CCT3: variants seen among roughly 807,000 people sequenced by gnomAD.
CCT3 encodes the protein chaperonin containing TCP1 subunit 3, also known as T-complex protein 1 subunit gamma.
A neutral mutation model predicts 65.3 loss-of-function variants in CCT3; 10 were observed. That is an observed-to-expected ratio of 0.15 (90% CI 0.09 to 0.26). CCT3 has a LOEUF of 0.26. Ranked by LOEUF, CCT3 falls within the 10% of genes least tolerant of loss-of-function variation. CCT3 has a pLI of 1.00. For synonymous variants in CCT3, 225 were observed against 242.3 expected, an observed-to-expected ratio of 0.93 and a Z score of 0.66; for missense variants, 626 against 708.7, an observed-to-expected ratio of 0.88 and a Z score of 1.33.
At chr1:156,323,334 C>A (rs1664649087) in intron 6 of CCT3, among the ~76,000 whole-genome samples, 3 of 149,962 alleles carry the variant, frequency 2.0e-5, no homozygotes, top group South Asian at 4.2e-4. Context: ...AAAGAGCAGG[C>A]AGTATAATAT....
intron 7 of CCT3, among the ~76,000 whole-genome samples, chr1:156,319,258 G>A (rs374699271): frequency 7.5e-4 from 113 of 150,670 alleles, no homozygotes; most frequent in African/African-American, 2.6e-3. Context: ...GACTACAGGC[G>A]CCCGCCACCA....
intron 5 of CCT3, chr1:156,332,593 T>C (rs1013089342): frequency 6.6e-6 from 1 of 152,192 alleles, no homozygotes; most frequent in African/African-American, 2.4e-5. Flanking sequence ...ATGACATTCC[T>C]AGGTGAGGTT....
intron 6 of CCT3, among the ~76,000 whole-genome samples, chr1:156,322,258 A>T (rs1229238269): frequency 6.6e-6 from 1 of 152,100 alleles, no homozygotes; most frequent in Admixed American, 6.6e-5. Flanking sequence ...TTTTTTTGGG[A>T]GGCCGAGGTG....
Position 156,338,229 on chromosome 1 carries a change from C to A in CCT3, c.-45G>T, listed in dbSNP as rs1217062037. 8.3e-6 allele frequency: 13 copies of A among 1,562,792 alleles called. No individual in the cohort carries two copies. The highest frequency in any genetic ancestry group is 5.4e-5 in the African/African-American group (4 of 74,236). On this transcript the variant is annotated 5_prime_UTR_variant, in exon 1 of 14. Coordinates refer to ENST00000295688, the MANE Select transcript of CCT3 (RefSeq NM_005998.5). ...GGGTACCCAGAGCTGGGGGAACCGG[C>A]AGAACCTTCTGGAGAGAGAGAACCA...
intron 9 of CCT3, 82 bp from the exon 10 acceptor site, chr1:156,317,329 C>T (rs537075161): frequency 5.5e-5 from 87 of 1,592,776 alleles, no homozygotes; most frequent in East Asian, 5.2e-4. Context: ...GACACTATTA[C>T]GCCCCTGCCA....
intron 6 of CCT3, among the ~76,000 whole-genome samples, chr1:156,322,231 A>C (rs1350617967): frequency 6.6e-6 from 1 of 152,126 alleles, no homozygotes; most frequent in South Asian, 2.1e-4. Context: ...GAGTGAGACC[A>C]TATCTCTAAA....
In CCT3 at chr1:156,317,453, A is replaced by C; in HGVS notation, c.854T>G (p.Leu285Arg). The change falls in exon 9 of 14, where the codon CTG (leucine) becomes CGG (arginine). Residue 285 changes from leucine (L) to arginine (R), a missense_variant. Physicochemically the swap from Leu to Arg is moderately radical, Grantham distance 102 (BLOSUM62 -2). Coordinates refer to ENST00000295688, the MANE Select transcript of CCT3 (RefSeq NM_005998.5). ...TTCAGTGATGACCACATCGGGCTTC[A>C]GTTGGATAATGTCCTCACAGAGCTG... ...IQQLCEDIIQ[L>R]KPDVVITEKG... is the part of the protein sequence containing the mutation. 6.2e-7 allele frequency: 1 copy of C among 1,613,940 alleles called. No homozygotes were observed.
rs778285839 is a variant in CCT3, at chr1:156,311,185, C to A, written c.1166G>T (p.Arg389Leu). The change falls in exon 12 of 14, where the codon CGC (arginine) becomes CTC (leucine). Residue 389 changes from arginine to leucine, a missense_variant. Transcript: ENST00000295688. ...CACTTGCATGGCATCCTGGAGGTTG[C>A]GTTCTACTTCCTTGGAGAAGCAAAC... is the stretch of plus-strand genomic sequence containing the variant. The part of the protein sequence containing the change: ...ASKEILSEVE[R>L]NLQDAMQVCR... 4.3e-6 allele frequency: 7 copies of A among 1,613,358 alleles called. No homozygotes were observed. In the Admixed American group the frequency reaches 8.3e-5, roughly 19 times the overall value.
At position 156,338,287 on chromosome 1, in the gene CCT3, G is replaced by T; in HGVS notation, c.-103C>A. On this transcript the variant is annotated 5_prime_UTR_variant, in exon 1 of 14. Coordinates refer to ENST00000295688, the MANE Select transcript of CCT3 (RefSeq NM_005998.5). ...GCCCAGAAAACGCTGCCTCCTCAGGGCTTACACCTCAACCCGCTACTCTCA... is the reference window on the plus strand; with the variant it reads ...GCCCAGAAAACGCTGCCTCCTCAGGTCTTACACCTCAACCCGCTACTCTCA... 2 of 1,134,906 alleles carry T rather than the reference G, an allele frequency of 1.8e-6. No homozygotes were observed. The highest frequency in any genetic ancestry group is 2.6e-6 in the Non-Finnish European group (2 of 772,868). 70.3% of individuals were successfully genotyped at this position (1,134,906 alleles called of 1,614,324 possible).
intron 10 of CCT3, among the ~76,000 whole-genome samples, chr1:156,316,605 A>G (rs2842863): frequency 0.12 from 18,226 of 152,276 alleles, 1,590 homozygotes; most frequent in Non-Finnish European, 0.18. Context: ...GCATGCCAAT[A>G]GTTTCAGGTA....
chr1:156,335,906 A>G lies in CCT3; in HGVS notation c.32-18T>C. Reference sequence around the variant, plus strand: ...GTTCTGGCCTAAAATAGACAAAAACACAAGTCAACAGCCCAGGACTGCCCC... The same window carrying G: ...GTTCTGGCCTAAAATAGACAAAAACGCAAGTCAACAGCCCAGGACTGCCCC... On this transcript the variant is annotated intron_variant, in intron 1 of 13. Transcript: ENST00000295688. 1 of 1,610,932 alleles carries G rather than the reference A, an allele frequency of 6.2e-7. No homozygotes were observed. Among genetic ancestry groups the G allele is most frequent in the Non-Finnish European group, 8.5e-7 (1 of 1,177,172 alleles).
At chr1:156,315,891 G>GA (rs1012423605) in intron 10 of CCT3, among the ~76,000 whole-genome samples, 68 of 152,090 alleles carry the variant, frequency 4.5e-4, no homozygotes, top group African/African-American at 1.5e-3. Context: ...AAAGATAAAA[G>GA]AAAAAAATTA....
intron 1 of CCT3, chr1:156,336,953 A>C: frequency 2.3e-6 from 1 of 437,420 alleles, no homozygotes; most frequent in Non-Finnish European, 3.3e-6. Flanking sequence ...GTTATTTCCC[A>C]GGTACAGAGA....
At chr1:156,326,533 C>T (rs1414260488) in intron 5 of CCT3, among the ~76,000 whole-genome samples, 1 of 151,064 alleles carries the variant, frequency 6.6e-6, no homozygotes, top group African/African-American at 2.4e-5. Context: ...GCCTGTATTC[C>T]TAGCTACTCG....
Position 156,308,996 on chromosome 1 carries a change from G to A in CCT3, c.*203C>T. The A allele has an allele frequency of 2.1e-6, 1 of 475,142 alleles. No homozygotes were observed. The highest frequency in any genetic ancestry group is 3.7e-6 in the Non-Finnish European group (1 of 267,116). The allele number at this position is 475,142 out of a possible 1,614,324, so 29.4% of individuals were successfully genotyped here. A position where few individuals can be genotyped will look rare whatever the true frequency, so the allele number is the denominator to read the frequency against. ...AATGACTTAGATTTAATCATCGGAA[G>A]CAAACTAAATGGAAACCTTACAATA... On this transcript the variant is annotated 3_prime_UTR_variant, in exon 14 of 14. Coordinates refer to ENST00000295688, the MANE Select transcript of CCT3 (RefSeq NM_005998.5).
intron 10 of CCT3, among the ~76,000 whole-genome samples, chr1:156,316,407 G>GT (rs1445212296): frequency 2.0e-5 from 3 of 152,078 alleles, no homozygotes; most frequent in Non-Finnish European, 2.9e-5. Context: ...TTTAATGAAT[G>GT]TAGGACTAAT....
intron 5 of CCT3, among the ~76,000 whole-genome samples, chr1:156,325,624 C>T (rs939699591): frequency 5.4e-5 from 8 of 149,396 alleles, no homozygotes; most frequent in Admixed American, 2.7e-4. Flanking sequence ...GTCGCCCAGG[C>T]TGGAGTGCGG....
chr1:156,334,222 A>AAG (rs1665232080), intron 4 of CCT3, among the ~76,000 whole-genome samples: 1 of 147,876 alleles, frequency 6.8e-6, no homozygotes, highest in Non-Finnish European at 1.5e-5. Context: ...CTGGGTGACA[A>AAG]GAGCGAGACT....
chr1:156,318,883 C>G lies in CCT3; in HGVS notation c.744G>C (p.Lys248Asn), dbSNP rs777801525. The change falls in exon 8 of 14, where the codon AAG becomes AAC. Residue 248 changes from lysine (K) to asparagine (N), a missense_variant. Physicochemically the swap from Lys to Asn is moderately conservative, Grantham distance 94. Transcript: ENST00000295688. Reference protein sequence around the residue: ...IVLLDSSLEYKKGESQTDIEI... With the variant: ...IVLLDSSLEYNKGESQTDIEI... Reference sequence around the variant, plus strand: ...AGAACCTTACCTGGCTTTCTCCTTTCTTGTATTCCAGAGAAGAATCCAGCA... The same window carrying G: ...AGAACCTTACCTGGCTTTCTCCTTTGTTGTATTCCAGAGAAGAATCCAGCA... The G allele has an allele frequency of 1.2e-6, 2 of 1,613,186 alleles. No individual in the cohort carries two copies. The highest frequency in any genetic ancestry group is 1.7e-6 in the Non-Finnish European group (2 of 1,179,742).
Sources: gnomAD v4.1 joint callset for allele counts (sites outside exome capture counted in the v4.1 genomes callset) on GRCh38, gnomAD v4.1.1 for gene constraint, MANE v1.5 for transcripts, NCBI Gene and HGNC (gene_info 2026-07-23, HGNC 2026-07-21) for gene names.